Variants in RPAP1 observed in about 807,000 individuals in gnomAD.
The protein encoded by RPAP1 is RNA polymerase II associated protein 1.
Under a neutral mutation model 142.4 loss-of-function variants are expected in RPAP1, and 109 were observed. That is an observed-to-expected ratio of 0.77 (90% confidence interval 0.66 to 0.90). The LOEUF is 0.90. RPAP1 is among the 40% of genes least tolerant of loss of function. The pLI, the probability that RPAP1 is intolerant of heterozygous loss-of-function variation, is 0.00. For missense variants in RPAP1, 1,546 were observed against 1,751.7 expected (o/e 0.88, Z 2.10); for synonymous variants, 704 against 738.9 (o/e 0.95, Z 0.77).
intron 6 of RPAP1, among the ~76,000 whole-genome samples, chr15:41,533,953 C>G (rs1406689804): frequency 6.6e-6 from 1 of 151,754 alleles, no homozygotes; most frequent in Non-Finnish European, 1.5e-5. Context: ...GAAACTCCGT[C>G]TCTACTAAAA....
intron 4 of RPAP1, 53 bp downstream of exon 4, chr15:41,536,076 A>G (rs993396907): frequency 3.7e-6 from 5 of 1,368,238 alleles, no homozygotes; most frequent in Non-Finnish European, 5.2e-6. Flanking sequence ...AAGATGCACT[A>G]TGAGACTCAC....
chr15:41,523,282 T>C lies in RPAP1; in HGVS notation c.2509A>G (p.Ser837Gly), dbSNP rs548522909. ...CACAGGCTGCCCAGTGTGGGCTGACTCAGCAGTGGCAGCAGCAGCTCCTCT... is the reference window on the plus strand; with the variant it reads ...CACAGGCTGCCCAGTGTGGGCTGACCCAGCAGTGGCAGCAGCAGCTCCTCT... ...LSEELLLPLL[S>G]QPTLGSLWDS... The change falls in exon 18 of 25, where the codon AGT (serine) becomes GGT (glycine). Residue 837 changes from serine (S) to glycine (G), a missense_variant. This residue lies in a region of RPAP1 where 1,333 missense variants were observed against 1,486.6 expected (regional missense o/e 0.90). Transcript: ENST00000304330. 3 of 1,612,198 alleles carry C rather than the reference T, an allele frequency of 1.9e-6. No individual in the cohort carries two copies. Among genetic ancestry groups the C allele is most frequent in the South Asian group, 2.2e-5 (2 of 90,788 alleles).
intron 1 of RPAP1, 93 bp downstream of exon 1, chr15:41,544,126 C>T (rs1010466752): frequency 8.5e-5 from 13 of 152,338 alleles, no homozygotes; most frequent in African/African-American, 3.1e-4. Context: ...GACCAAAGGC[C>T]CGCAGGCAGG....
intron 6 of RPAP1, among the ~76,000 whole-genome samples, chr15:41,531,772 C>G (rs914154310): frequency 3.3e-5 from 5 of 150,424 alleles, no homozygotes; most frequent in Non-Finnish European, 5.9e-5. Context: ...TCCTGAGTAG[C>G]TGGGATTAAA....
chr15:41,534,176 G>A (rs2051884542), intron 6 of RPAP1, among the ~76,000 whole-genome samples: 1 of 151,624 alleles, frequency 6.6e-6, no homozygotes, highest in Admixed American at 6.6e-5. Context: ...CTAGCACTTT[G>A]GGAGGCCGAG....
rs557036641 is a variant in RPAP1, at chr15:41,531,103, T to A, written c.863A>T (p.Asn288Ile). The change falls in exon 7 of 25, where the codon AAT becomes ATT. Residue 288 changes from asparagine (N) to isoleucine (I), a missense_variant. Physicochemically the swap from Asn to Ile is moderately radical, Grantham distance 149. Coordinates refer to ENST00000304330, the MANE Select transcript of RPAP1 (RefSeq NM_015540.4). ...CATGAGGGGTTCCTCCTTGGTGACATTAGCAGAGGGTCCTCCTGGCCTCTG... is the reference window on the plus strand; with the variant it reads ...CATGAGGGGTTCCTCCTTGGTGACAATAGCAGAGGGTCCTCCTGGCCTCTG... ...EEQRPGGPSA[N>I]VTKEEPLMSA... The A allele has an allele frequency of 6.2e-7, 1 of 1,614,032 alleles. No individual in the cohort carries two copies. Among genetic ancestry groups the A allele is most frequent in the South Asian group, 1.1e-5 (1 of 91,066 alleles).
chr15:41,522,181 G>A lies in RPAP1; in HGVS notation c.2812C>T (p.Pro938Ser). Residue 938 changes from proline to serine, a missense_variant, in exon 20 of 25, where the codon CCA becomes TCA. Around this residue, in one of 3 missense-constraint regions of RPAP1, gnomAD observed 1,333 missense variants for 1,486.6 expected, o/e 0.90. Transcript: ENST00000304330. Reference sequence around the variant, plus strand: ...CATGCAGAGAAAGGTGTGAGGTGTGGGGCAGCCCCAGGAGCCACACACTGG... The same window carrying A: ...CATGCAGAGAAAGGTGTGAGGTGTGAGGCAGCCCCAGGAGCCACACACTGG... ...FLQCVAPGAAPHLTPFSAWAL... is the reference protein window; with the variant it reads ...FLQCVAPGAASHLTPFSAWAL... 1 of 1,614,050 alleles carries A rather than the reference G, an allele frequency of 6.2e-7. No homozygotes were observed. The highest frequency in any genetic ancestry group is 8.5e-7 in the Non-Finnish European group (1 of 1,180,002).
intron 21 of RPAP1, 90 bp downstream of exon 21, chr15:41,521,648 G>T: frequency 7.0e-7 from 1 of 1,435,412 alleles, no homozygotes; most frequent in Non-Finnish European, 9.5e-7. Flanking sequence ...AGAGAATTTA[G>T]GTCTCCTGGC....
chr15:41,521,615 G>A, intron 21 of RPAP1, 123 bp downstream of exon 21: 3 of 1,090,580 alleles, frequency 2.8e-6, no homozygotes, highest in Non-Finnish European at 3.9e-6. Flanking sequence ...GCTCGGAAGA[G>A]TTAAGTGTCG....
At chr15:41,524,523 A>C (rs968118516) in intron 15 of RPAP1, among the ~76,000 whole-genome samples, 1 of 144,160 alleles carries the variant, frequency 6.9e-6, no homozygotes, top group Non-Finnish European at 1.5e-5. Context: ...GCTGGAGTGC[A>C]GTGGAGTGAT....
At chr15:41,535,756 C>T in intron 4 of RPAP1, 124 bp from the exon 5 acceptor site, 1 of 1,350,618 alleles carries the variant, frequency 7.4e-7, no homozygotes, top group Non-Finnish European at 1.0e-6. Context: ...CCAGGGATCA[C>T]AACCCTAGTT....
At chr15:41,532,656 G>C (rs1242589127) in intron 6 of RPAP1, among the ~76,000 whole-genome samples, 1 of 152,020 alleles carries the variant, frequency 6.6e-6, no homozygotes, top group Non-Finnish European at 1.5e-5. Flanking sequence ...GGGTAGTACA[G>C]TTATACATAG....
In RPAP1 at chr15:41,534,810, C is replaced by T. The variant is rs766022151; in HGVS notation, c.667G>A (p.Glu223Lys). Residue 223 changes from glutamate (E) to lysine (K), a missense_variant, in exon 6 of 25, where the codon GAA becomes AAA. This residue lies in a region of RPAP1 where 1,333 missense variants were observed against 1,486.6 expected (regional missense o/e 0.90). Transcript: ENST00000304330. ...TTCTCTTCATGGATAGTCTGGGCTT[C>T]CTGCTCAGCTTCTTGATCCCTGAGC... ...KGLRDQEAEQEAQTIHEENIA... is the reference protein window; with the variant it reads ...KGLRDQEAEQKAQTIHEENIA... The T allele has an allele frequency of 2.2e-5, 35 of 1,614,004 alleles. No homozygotes were observed. The highest frequency in any genetic ancestry group is 2.7e-5 in the African/African-American group (2 of 74,912).
At chr15:41,519,580 ACTT>A (rs1389333730) in intron 22 of RPAP1, 13 of 152,092 alleles carry the variant, frequency 8.5e-5, no homozygotes, top group African/African-American at 3.1e-4. Flanking sequence ...CTCAGACTTC[ACTT>A]CTTATTTTTA....
At position 41,527,477 on chromosome 15, in the gene RPAP1, GC is replaced by G. The variant is rs2051805173; in HGVS notation, c.1556del (p.Ser519ThrfsTer36). 6.2e-7 allele frequency: 1 copy of G among 1,614,098 alleles called. No homozygotes were observed. Among genetic ancestry groups the G allele is most frequent in the African/African-American group, 1.3e-5 (1 of 74,930 alleles). On this transcript the variant is annotated frameshift_variant, in exon 12 of 25. Transcript: ENST00000304330. LOFTEE classifies it high-confidence loss of function. ...GTGGAGGCCGGCTTTCTTCTTCAGG[GC>G]TTTTCCTTTTTGCTTTTCCTGCTGG... ...ECPAGKAKRK[S>X]PEEESRPPPD...
intron 6 of RPAP1, among the ~76,000 whole-genome samples, chr15:41,531,736 G>C (rs1051535779): frequency 1.4e-5 from 2 of 147,858 alleles, no homozygotes. Context: ...CATCTCCCAG[G>C]TTCAAGGGAT....
rs372297800 is a variant in RPAP1, at chr15:41,531,120, T to C, written c.846A>G (p.Pro282=). The change falls in exon 7 of 25, where the codon CCA becomes CCG. Residue 282 remains proline, a synonymous_variant. Coordinates refer to ENST00000304330, the MANE Select transcript of RPAP1 (RefSeq NM_015540.4). The part of the protein sequence containing the change: ...TGETASEEQR[P]GGPSANVTKE... ...TGGTGACATTAGCAGAGGGTCCTCC[T>C]GGCCTCTGCTCCTCAGAGGCTGTCT... is the stretch of plus-strand genomic sequence containing the variant. The C allele has an allele frequency of 2.2e-5, 35 of 1,613,844 alleles. No individual in the cohort carries two copies. Among genetic ancestry groups the C allele is most frequent in the Middle Eastern group, 1.6e-4 (1 of 6,084 alleles).
At chr15:41,542,060 C>G (rs565863154) in intron 1 of RPAP1, among the ~76,000 whole-genome samples, 1 of 152,070 alleles carries the variant, frequency 6.6e-6, no homozygotes, top group Non-Finnish European at 1.5e-5. Flanking sequence ...CTGGGCTGAG[C>G]GGTGTACAAG....
chr15:41,527,593 T>C lies in RPAP1; in HGVS notation c.1441A>G (p.Ser481Gly), dbSNP rs757889920. 1.2e-6 allele frequency: 2 copies of C among 1,612,970 alleles called. No homozygotes were observed. The highest frequency in any genetic ancestry group is 2.2e-5 in the South Asian group (2 of 90,894). ...GCTCCATGGTACCAAGAGAAGGTGC[T>C]GTCGAGGAGCTCCTGCCAGAGGAAC... ...VAPGDEELLD[S>G]TFSWYHGALT... The change falls in exon 12 of 25, where the codon AGC (serine) becomes GGC (glycine). Residue 481 changes from serine (S) to glycine (G), a missense_variant. By Grantham distance (56) the Ser-to-Gly change is moderately conservative (BLOSUM62 0). This residue lies in a region of RPAP1 where 1,333 missense variants were observed against 1,486.6 expected (regional missense o/e 0.90). Coordinates refer to ENST00000304330, the MANE Select transcript of RPAP1 (RefSeq NM_015540.4).
Sources: allele counts gnomAD v4.1 joint callset (sites outside exome capture counted in the v4.1 genomes callset), GRCh38; gene constraint gnomAD v4.1.1; regional missense constraint gnomAD v4.1.1; transcripts MANE v1.5; gene names NCBI Gene and HGNC (gene_info 2026-07-23, HGNC 2026-07-21).